The following SFT2D1 variants were observed in gnomAD, a reference collection of about 807,000 sequenced individuals.
SFT2D1 encodes the protein SFT2 domain containing 1.
Under a neutral mutation model 28.1 loss-of-function variants are expected in SFT2D1, and 24 were observed. The observed-to-expected ratio is 0.85, with a 90% CI of 0.62 to 1.20. The LOEUF (loss-of-function observed/expected upper bound fraction) is 1.20. Among genes scored for constraint, SFT2D1 ranks in the 50% most tolerant of loss-of-function variants. The probability of loss-of-function intolerance (pLI) is 0.00; values close to 1 mark genes in which losing one functional copy is unlikely to be tolerated. For missense variants in SFT2D1, 181 were observed against 190.9 expected (o/e 0.95, Z 0.31); for synonymous variants, 82 against 73.7 (o/e 1.11, Z -0.58).
rs576116882 is a variant in SFT2D1, at chr6:166,341,354, CAGG to C, written c.63+1062_63+1064del. Among the ~76,000 whole-genome samples the C allele has an allele frequency of 1.4e-3, 207 of 150,970 alleles. 1 individual carries two copies. The highest frequency in any genetic ancestry group is 4.8e-3 in the African/African-American group (198 of 41,062). On this transcript the variant is annotated intron_variant, in intron 1 of 7. Coordinates refer to ENST00000361731, the MANE Select transcript of SFT2D1 (RefSeq NM_145169.3). ...ATCCCAGCTACTCAGGAGGCTGAGGCAGGAGAATTGCTTGAACCCGGGAGGCAG... is the reference window on the plus strand; with the variant it reads ...ATCCCAGCTACTCAGGAGGCTGAGGCAGAATTGCTTGAACCCGGGAGGCAG...
chr6:166,322,549 C>T (rs1778374911), intron 7 of SFT2D1, among the ~76,000 whole-genome samples: 1 of 151,578 alleles, frequency 6.6e-6, no homozygotes, highest in Non-Finnish European at 1.5e-5. Context: ...AAAAATTAGC[C>T]GGGCATGGCA....
At chr6:166,334,980 T>C in intron 1 of SFT2D1, 1 of 479,452 alleles carries the variant, frequency 2.1e-6, no homozygotes, top group Non-Finnish European at 4.0e-6. Flanking sequence ...GTGACTGAAA[T>C]CATGACTGAC....
chr6:166,325,188 G>A (rs868010949), intron 5 of SFT2D1, among the ~76,000 whole-genome samples: 2 of 152,092 alleles, frequency 1.3e-5, no homozygotes, highest in Non-Finnish European at 2.9e-5. Flanking sequence ...CTATAGAGAG[G>A]TGCAAGTTAA....
rs948163960 is a variant in SFT2D1 at position 166,319,731 on chromosome 6, T to C, written c.*486A>G. 3 of 152,210 alleles carry C rather than the reference T, an allele frequency of 2.0e-5. No individual in the cohort carries two copies. Among genetic ancestry groups the C allele is most frequent in the African/African-American group, 7.2e-5 (3 of 41,452 alleles). 9.4% of individuals were successfully genotyped at this position (152,210 alleles called of 1,614,324 possible). ...TATAAATTTGATTCAGAAAATGTTA[T>C]TTTTCCAAGGATGGGTTTATTTCAA... On this transcript the variant is annotated 3_prime_UTR_variant, in exon 8 of 8. Coordinates refer to ENST00000361731, the MANE Select transcript of SFT2D1 (RefSeq NM_145169.3).
At chr6:166,320,398 A>G (rs756023273) in intron 7 of SFT2D1, 142 bp from the exon 8 acceptor site, 102 of 647,206 alleles carry the variant, frequency 1.6e-4, no homozygotes, top group Middle Eastern at 1.2e-3. Context: ...AACTTTGTTC[A>G]GTATCATTTA....
intron 1 of SFT2D1, among the ~76,000 whole-genome samples, chr6:166,333,898 G>GCCACCAAA (rs60354695): frequency 2.0e-5 from 3 of 151,608 alleles, no homozygotes; most frequent in Non-Finnish European, 2.9e-5. Flanking sequence ...CCTTCCTGCT[G>GCCACCAAA]CCACCAAACC....
chr6:166,320,206 G>A lies in SFT2D1; in HGVS notation c.*11C>T. ...AACATTCAAGTGCTCTTTTCCACAA[G>A]TTTCTGATTTTCAACTTAGGAGAGA... On this transcript the variant is annotated 3_prime_UTR_variant, in exon 8 of 8. Transcript: ENST00000361731. 1 of 1,610,032 alleles carries A rather than the reference G, an allele frequency of 6.2e-7. No homozygotes were observed. The highest frequency in any genetic ancestry group is 8.5e-7 in the Non-Finnish European group (1 of 1,178,558).
At position 166,322,854 on chromosome 6, in the gene SFT2D1, T is replaced by C. The variant is rs745755300; in HGVS notation, c.440+3A>G. On this transcript the variant is annotated splice_donor_region_variant and intron_variant, in intron 7 of 7. Transcript: ENST00000361731. ...AAAGAAGACAAGATTCAAACAAGCT[T>C]ACCTTGCATATGGGATGTACGACAG... is the stretch of plus-strand genomic sequence containing the variant. The C allele has an allele frequency of 1.2e-5, 19 of 1,609,874 alleles. No individual in the cohort carries two copies. Among genetic ancestry groups the C allele is most frequent in the Admixed American group, 1.7e-5 (1 of 59,730 alleles).
At chr6:166,326,466 G>A (rs543064801) in intron 4 of SFT2D1, among the ~76,000 whole-genome samples, 37 of 152,320 alleles carry the variant, frequency 2.4e-4, no homozygotes, top group Non-Finnish European at 4.4e-4. Context: ...CAAGAGGTGG[G>A]CAGTGTGGTG....
Position 166,325,950 on chromosome 6 carries a change from G to A in SFT2D1, c.351+182C>T. The stretch of plus-strand genomic sequence containing the variant: ...ACTGACTACCTCTATGCTGTAGACA[G>A]TAGAATCTATGGCATTTTTAGCAAC... On this transcript the variant is annotated intron_variant, in intron 5 of 7. Coordinates refer to ENST00000361731, the MANE Select transcript of SFT2D1 (RefSeq NM_145169.3). The A allele has an allele frequency of 7.7e-6, 5 of 648,898 alleles. No homozygotes were observed. The South Asian group carries it at 9.5e-5, about 12-fold the overall frequency. The allele number at this position is 648,898 out of a possible 1,614,324, so 40.2% of individuals were successfully genotyped here.
intron 1 of SFT2D1, among the ~76,000 whole-genome samples, chr6:166,333,665 T>C (rs1414003766): frequency 6.6e-6 from 1 of 152,118 alleles, no homozygotes; most frequent in Admixed American, 6.5e-5. Context: ...CACTGCTGGG[T>C]GGAGTCAGGC....
At chr6:166,336,498 T>G (rs1380823913) in intron 1 of SFT2D1, among the ~76,000 whole-genome samples, 1 of 152,180 alleles carries the variant, frequency 6.6e-6, no homozygotes, top group African/African-American at 2.4e-5. Context: ...CTGGGTAGCT[T>G]ATAAACAACA....
rs1778320404 is a variant in SFT2D1, at chr6:166,320,070, T to C, written c.*147A>G. 1.5e-6 allele frequency: 1 copy of C among 652,718 alleles called. No individual in the cohort carries two copies. Among genetic ancestry groups the C allele is most frequent in the South Asian group, 1.9e-5 (1 of 53,648 alleles). The allele number at this position is 652,718 out of a possible 1,614,324, so 40.4% of individuals were successfully genotyped here. On this transcript the variant is annotated 3_prime_UTR_variant, in exon 8 of 8. Coordinates refer to ENST00000361731, the MANE Select transcript of SFT2D1 (RefSeq NM_145169.3). ...TTAATGGTTTAATCAAGCATGTAGT[T>C]TTTACCAGTATACAAAATGAGACTT...
At chr6:166,334,781 G>A (rs1198004276) in intron 1 of SFT2D1, 7 of 407,186 alleles carry the variant, frequency 1.7e-5, no homozygotes, top group Non-Finnish European at 2.4e-5. Context: ...ATGCCGCTGT[G>A]AAGGAGGTGG....
Position 166,324,557 on chromosome 6 carries a change from CAA to C in SFT2D1, c.388_389del (p.Leu130AlafsTer9). Reference protein sequence around the residue: ...KKGLAVLFCILQFLSMTWYSL... With the variant: ...KKGLAVLFCIXQFLSMTWYSL... ...CTTACCAGGTCATTGACAAGAACTG[CAA>C]TATGCAGAATAACACAGCCAGTCCC... On this transcript the variant is annotated frameshift_variant, in exon 6 of 8. Transcript: ENST00000361731. LOFTEE classifies it high-confidence loss of function. The C allele has an allele frequency of 6.2e-7, 1 of 1,612,866 alleles. No individual in the cohort carries two copies. The highest frequency in any genetic ancestry group is 1.1e-5 in the South Asian group (1 of 90,846).
At chr6:166,323,650 G>A (rs774809317) in intron 6 of SFT2D1, 7 of 152,262 alleles carry the variant, frequency 4.6e-5, no homozygotes, top group Non-Finnish European at 1.0e-4. Flanking sequence ...AGGACAGTCT[G>A]AGCAGAAACC....
intron 1 of SFT2D1, among the ~76,000 whole-genome samples, chr6:166,338,335 T>C (rs1196161008): frequency 6.6e-6 from 1 of 152,202 alleles, no homozygotes; most frequent in Non-Finnish European, 1.5e-5. Context: ...CAAGTAGTTA[T>C]GAACAGCTAT....
intron 6 of SFT2D1, 95 bp downstream of exon 6, chr6:166,324,442 A>AGGG: frequency 8.1e-7 from 1 of 1,240,310 alleles, no homozygotes. Context: ...GCTCCAAAAC[A>AGGG]CCAGACGAAA....
At chr6:166,333,960 T>G (rs1778597965) in intron 1 of SFT2D1, among the ~76,000 whole-genome samples, 1 of 152,208 alleles carries the variant, frequency 6.6e-6, no homozygotes, top group African/African-American at 2.4e-5. Flanking sequence ...TGTCCTTTCC[T>G]GGTTCCCACA....
Sources: gnomAD v4.1 joint callset for allele counts (sites outside exome capture counted in the v4.1 genomes callset) on GRCh38, gnomAD v4.1.1 for gene constraint, MANE v1.5 for transcripts, NCBI Gene and HGNC (gene_info 2026-07-23, HGNC 2026-07-21) for gene names.